BCAS4: variants seen among roughly 807,000 people sequenced by gnomAD.
The protein encoded by BCAS4 is breast carcinoma-amplified sequence 4.
BCAS4 carries 9 observed loss-of-function variants against 15.7 expected under a neutral mutation model. That is an observed-to-expected ratio of 0.57 (90% confidence interval 0.34 to 1.00). The LOEUF (loss-of-function observed/expected upper bound fraction) is 1.00. Ranked by LOEUF, BCAS4 falls within the 50% of genes least tolerant of loss-of-function variation. BCAS4 has a pLI of 0.02. For missense variants in BCAS4, 225 were observed against 239.1 expected, an observed-to-expected ratio of 0.94 and a Z score of 0.39; for synonymous variants, 101 against 99.5, an observed-to-expected ratio of 1.02 and a Z score of -0.09.
intron 3 of BCAS4, among the ~76,000 whole-genome samples, chr20:50,838,461 G>A (rs529155306): frequency 6.6e-6 from 1 of 152,202 alleles, no homozygotes; most frequent in Non-Finnish European, 1.5e-5. Context: ...TGTAATCCCA[G>A]CACTTTGGGA....
intron 4 of BCAS4, among the ~76,000 whole-genome samples, chr20:50,844,650 G>T (rs2088520997): frequency 2.0e-5 from 3 of 152,122 alleles, no homozygotes; most frequent in Admixed American, 2.0e-4. Flanking sequence ...CTTGGAGATG[G>T]AGAATCACCT....
chr20:50,831,611 T>A lies in BCAS4; in HGVS notation c.264+1231T>A, dbSNP rs140244910. On this transcript the variant is annotated intron_variant, in intron 3 of 4. Transcript: ENST00000371608. ...GCAGTCAGTCCCCTCACTGCCCCCA[T>A]CTCCTGGAAGAGGAGCATAAGCTTT... is the stretch of plus-strand genomic sequence containing the variant. Among the ~76,000 whole-genome samples the A allele has an allele frequency of 6.1e-3, 926 of 152,112 alleles. 8 individuals carry two copies. The highest frequency in any genetic ancestry group is 0.021 in the African/African-American group (857 of 41,510).
At chr20:50,827,160 G>C (rs1466493401) in intron 2 of BCAS4, among the ~76,000 whole-genome samples, 1 of 152,220 alleles carries the variant, frequency 6.6e-6, no homozygotes, top group Non-Finnish European at 1.5e-5. Context: ...ATGGCACGAG[G>C]TTGTCACATC....
Position 50,795,176 on chromosome 20 carries a change from A to G in BCAS4, c.90+3A>G. 7.0e-7 allele frequency: 1 copy of G among 1,420,726 alleles called. No homozygotes were observed. The highest frequency in any genetic ancestry group is 9.3e-7 in the Non-Finnish European group (1 of 1,077,670). The allele number at this position is 1,420,726 out of a possible 1,614,324, so 88.0% of individuals were successfully genotyped here. A position where few individuals can be genotyped will look rare whatever the true frequency, so the allele number is the denominator to read the frequency against. On this transcript the variant is annotated splice_donor_region_variant and intron_variant, in intron 1 of 4. Transcript: ENST00000371608. ...TGACCCCCGAGCCTGGGGCCGAGGT[A>G]GGGGACGGGGCTGTGGAGTTGGAGG...
intron 2 of BCAS4, among the ~76,000 whole-genome samples, chr20:50,820,736 A>G (rs954578056): frequency 6.6e-6 from 1 of 151,998 alleles, no homozygotes; most frequent in Admixed American, 6.6e-5. Context: ...CTGTGGTGGG[A>G]AGTGTGTGTG....
chr20:50,802,351 G>C (rs564140751), intron 1 of BCAS4, among the ~76,000 whole-genome samples: 1 of 152,192 alleles, frequency 6.6e-6, no homozygotes. Context: ...AGAACCTTCC[G>C]GGGCATGAGG....
At chr20:50,862,282 C>A (rs1979124705) in intron 4 of BCAS4, among the ~76,000 whole-genome samples, 1 of 152,138 alleles carries the variant, frequency 6.6e-6, no homozygotes, top group South Asian at 2.1e-4. Flanking sequence ...TCTCAAGCCG[C>A]CTTTTGTTTC....
intron 2 of BCAS4, among the ~76,000 whole-genome samples, chr20:50,827,491 G>A (rs900615277): frequency 6.6e-6 from 1 of 152,134 alleles, no homozygotes; most frequent in East Asian, 1.9e-4. Context: ...GCACATATTA[G>A]GTTTGTGCAC....
intron 4 of BCAS4, among the ~76,000 whole-genome samples, chr20:50,867,285 C>T (rs192430270): frequency 1.3e-5 from 2 of 152,284 alleles, no homozygotes; most frequent in Non-Finnish European, 2.9e-5. Flanking sequence ...TGGCCTATGA[C>T]AGTTTCTCAG....
At chr20:50,821,971 A>G (rs1184269078) in intron 2 of BCAS4, among the ~76,000 whole-genome samples, 1 of 152,208 alleles carries the variant, frequency 6.6e-6, no homozygotes, top group African/African-American at 2.4e-5. Context: ...AATGAAAATA[A>G]TGGTTCTGAT....
chr20:50,857,690 C>T (rs989392197), intron 4 of BCAS4, among the ~76,000 whole-genome samples: 3 of 152,250 alleles, frequency 2.0e-5, no homozygotes, highest in East Asian at 1.9e-4. Context: ...AGTGCAAATT[C>T]GAGGTCCTCT....
chr20:50,859,480 CAG>C (rs1978954226), intron 4 of BCAS4, among the ~76,000 whole-genome samples: 2 of 151,882 alleles, frequency 1.3e-5, no homozygotes, highest in African/African-American at 4.8e-5. Flanking sequence ...GAGGAGGAGA[CAG>C]GGGCCAGGGA....
At chr20:50,835,232 C>T (rs2088392621) in intron 3 of BCAS4, among the ~76,000 whole-genome samples, 1 of 150,644 alleles carries the variant, frequency 6.6e-6, no homozygotes, top group South Asian at 2.1e-4. Context: ...AACTCCCACC[C>T]GCAACTACTA....
chr20:50,865,610 G>C (rs1979315985), intron 4 of BCAS4, among the ~76,000 whole-genome samples: 1 of 152,198 alleles, frequency 6.6e-6, no homozygotes, highest in Admixed American at 6.5e-5. Flanking sequence ...CCTGCTGCTG[G>C]CTCGCCCTGG....
chr20:50,805,804 G>A (rs183805464), intron 1 of BCAS4, among the ~76,000 whole-genome samples: 19 of 152,092 alleles, frequency 1.2e-4, no homozygotes, highest in African/African-American at 3.9e-4. Flanking sequence ...GCAAAACCTC[G>A]TCTCTTCTAA....
At position 50,864,261 on chromosome 20, in the gene BCAS4, G is replaced by A. The variant is rs184319289; in HGVS notation, c.400-12225G>A. On this transcript the variant is annotated intron_variant, in intron 4 of 4. Coordinates refer to ENST00000371608, the MANE Select transcript of BCAS4 (RefSeq NM_198799.4). ...CATGGGTTTGCACACTCCAGAGGCCGGCCTGGTCTGTTGTACAAGCATCAC... is the reference window on the plus strand; with the variant it reads ...CATGGGTTTGCACACTCCAGAGGCCAGCCTGGTCTGTTGTACAAGCATCAC... Among the ~76,000 whole-genome samples the A allele has an allele frequency of 7.9e-5, 12 of 152,204 alleles. No homozygotes were observed. In the East Asian group the frequency reaches 1.4e-3, roughly 17 times the overall value.
intron 1 of BCAS4, among the ~76,000 whole-genome samples, chr20:50,817,103 ATT>A (rs757281364): frequency 2.1e-5 from 3 of 143,550 alleles, no homozygotes; most frequent in African/African-American, 2.5e-5. Flanking sequence ...ACCTGGGCTA[ATT>A]TTTTTTTTTT....
chr20:50,799,507 G>A (rs766867334), intron 1 of BCAS4, among the ~76,000 whole-genome samples: 2 of 152,170 alleles, frequency 1.3e-5, no homozygotes, highest in Non-Finnish European at 2.9e-5. Context: ...GGAAAACCTA[G>A]TTTGCGAACA....
At chr20:50,832,997 C>G (rs2123794624) in intron 3 of BCAS4, 1 of 152,374 alleles carries the variant, frequency 6.6e-6, no homozygotes, top group African/African-American at 2.4e-5. Context: ...GCCCACACTT[C>G]TCCAGGATTT....
Sources: allele counts gnomAD v4.1 joint callset (sites outside exome capture counted in the v4.1 genomes callset), GRCh38; gene constraint gnomAD v4.1.1; transcripts MANE v1.5; gene names NCBI Gene and HGNC (gene_info 2026-07-23, HGNC 2026-07-21).